SLC14A2: variants seen among roughly 807,000 people sequenced by gnomAD.
SLC14A2 encodes solute carrier family 14 member 2, also known as urea transporter 2.
A neutral mutation model predicts 104.6 loss-of-function variants in SLC14A2; 91 were observed. The ratio of observed to expected loss-of-function variants is 0.87; its 90% confidence interval spans 0.73 to 1.04. SLC14A2 has a LOEUF of 1.04. Among genes scored for constraint, SLC14A2 ranks in the 50% least tolerant of loss-of-function variants. SLC14A2 has a pLI of 0.00. For missense variants in SLC14A2, 1,189 were observed against 1,156.0 expected (o/e 1.03, Z -0.41); for synonymous variants, 476 against 466.4 (o/e 1.02, Z -0.27).
At chr18:45,645,632 A>ATATATATATATATATACATAT in intron 10 of SLC14A2, among the ~76,000 whole-genome samples, 1 of 7,096 alleles carries the variant, frequency 1.4e-4, no homozygotes, top group South Asian at 5.4e-3. Context: ...TACATATACA[A>ATATATATATATATATACATAT]AGATATATAT....
chr18:45,295,222 G>A (rs925912804), intron 1 of SLC14A2, among the ~76,000 whole-genome samples: 3 of 152,074 alleles, frequency 2.0e-5, no homozygotes, highest in African/African-American at 7.2e-5. Flanking sequence ...ACCAATGATG[G>A]GTTATTTTCT....
rs532373366 is a variant in SLC14A2, at chr18:45,512,122, G to T, written c.-35+28800G>T. On this transcript the variant is annotated intron_variant, in intron 2 of 20. Coordinates refer to the SLC14A2 transcript ENST00000586448. ...GCTATATGGGTAAACCAAGGCAGGA[G>T]CCCAGATGCATGTACAGGAGCACAT... Among the ~76,000 whole-genome samples the T allele has an allele frequency of 5.8e-4, 89 of 152,302 alleles. 1 individual carries two copies. Among genetic ancestry groups the T allele is most frequent in the African/African-American group, 1.9e-3 (81 of 41,544 alleles).
intron 2 of SLC14A2, among the ~76,000 whole-genome samples, chr18:45,602,608 C>A: frequency 6.6e-6 from 1 of 152,208 alleles, no homozygotes; most frequent in East Asian, 1.9e-4. Context: ...TGAAACATGA[C>A]TGTGATGGGG....
chr18:45,306,759 A>G (rs2085025780), intron 1 of SLC14A2, among the ~76,000 whole-genome samples: 1 of 152,104 alleles, frequency 6.6e-6, no homozygotes, highest in Admixed American at 6.5e-5. Flanking sequence ...TATCTCGGGA[A>G]CCCGCTTCTT....
intron 2 of SLC14A2, among the ~76,000 whole-genome samples, chr18:45,509,896 C>A (rs1170856634): frequency 6.6e-6 from 1 of 152,174 alleles, no homozygotes; most frequent in African/African-American, 2.4e-5. Context: ...ATTGCTGGTT[C>A]CATGTTAGAA....
At chr18:45,344,744 G>GA (rs2085430894) in intron 1 of SLC14A2, among the ~76,000 whole-genome samples, 1 of 152,170 alleles carries the variant, frequency 6.6e-6, no homozygotes, top group Admixed American at 6.5e-5. Context: ...CTAGTAATAG[G>GA]AAAGTGGTGT....
chr18:45,175,573 T>C, the SLC14A2 span, among the ~76,000 whole-genome samples: 1 of 152,080 alleles, frequency 6.6e-6, no homozygotes, highest in Non-Finnish European at 1.5e-5. Context: ...TCATGTTCCA[T>C]GGAAAATAGG....
intron 1 of SLC14A2, among the ~76,000 whole-genome samples, chr18:45,406,735 T>A (rs2086159124): frequency 6.6e-6 from 1 of 152,242 alleles, no homozygotes; most frequent in South Asian, 2.1e-4. Flanking sequence ...ATTGTTGGCA[T>A]GGAAACAATA....
chr18:45,341,595 CTTTTTTTTTTTT>C (rs376534367), intron 1 of SLC14A2, among the ~76,000 whole-genome samples: 2 of 83,162 alleles, frequency 2.4e-5, no homozygotes, highest in Non-Finnish European at 2.3e-5. Flanking sequence ...TCTAGTATTA[CTTTTTTTTTTTT>C]TTTTTTTTTT....
At chr18:45,517,688 G>A (rs1167367304) in intron 2 of SLC14A2, among the ~76,000 whole-genome samples, 3 of 152,134 alleles carry the variant, frequency 2.0e-5, no homozygotes, top group Non-Finnish European at 4.4e-5. Flanking sequence ...GTAAATCTTG[G>A]AACTCGAGGA....
intron 1 of SLC14A2, among the ~76,000 whole-genome samples, chr18:45,213,467 T>G (rs534415527): frequency 6.6e-6 from 1 of 152,348 alleles, no homozygotes; most frequent in Non-Finnish European, 1.5e-5. Flanking sequence ...TATACCTAGA[T>G]TAACCCATGG....
At chr18:45,519,110 G>A (rs144796261) in intron 2 of SLC14A2, among the ~76,000 whole-genome samples, 5 of 152,104 alleles carry the variant, frequency 3.3e-5, no homozygotes, top group Non-Finnish European at 5.9e-5. Flanking sequence ...ATACCAGGAG[G>A]AATAATCATT....
intron 2 of SLC14A2, among the ~76,000 whole-genome samples, chr18:45,558,550 C>T (rs979972760): frequency 1.3e-5 from 2 of 152,138 alleles, no homozygotes; most frequent in Non-Finnish European, 2.9e-5. Context: ...ACCACAAAAG[C>T]AGCATCACCA....
intron 1 of SLC14A2, among the ~76,000 whole-genome samples, chr18:45,480,021 G>A (rs963599710): frequency 2.0e-5 from 3 of 152,184 alleles, no homozygotes; most frequent in Non-Finnish European, 4.4e-5. Flanking sequence ...AGTAAGTAGG[G>A]CTAGCAGAGT....
rs1045309603 is a variant in SLC14A2 at position 45,575,510 on chromosome 18, G to A, written c.-34-49121G>A. Among the ~76,000 whole-genome samples the A allele has an allele frequency of 3.9e-5, 6 of 151,958 alleles. No homozygotes were observed. In the East Asian group the frequency reaches 5.8e-4, roughly 15 times the overall value. ...TCCCCTTCACACACACTAGGCACCCGCAGATCTAGGGCTTCAGAAGCTCGT... is the reference window on the plus strand; with the variant it reads ...TCCCCTTCACACACACTAGGCACCCACAGATCTAGGGCTTCAGAAGCTCGT... On this transcript the variant is annotated intron_variant, in intron 2 of 20. Coordinates refer to the SLC14A2 transcript ENST00000586448.
rs754254535 is a variant in SLC14A2, at chr18:45,625,735, A to G, written c.203A>G (p.Asn68Ser). The stretch of plus-strand genomic sequence containing the variant: ...CACATTGTGAAGATCGAAAAGCTCA[A>G]TGAAAGGAGTAAAAGGAAAGACGAC... ...DSHIVKIEKL[N>S]ERSKRKDDGV... The change falls in exon 3 of 20, where the codon AAT becomes AGT. Residue 68 changes from asparagine (N) to serine (S), a missense_variant. Physicochemically the swap from Asn to Ser is conservative, Grantham distance 46. Coordinates refer to ENST00000255226, the MANE Select transcript of SLC14A2 (RefSeq NM_007163.4). 1.3e-6 allele frequency: 2 copies of G among 1,566,046 alleles called. No homozygotes were observed. The highest frequency in any genetic ancestry group is 2.4e-5 in the South Asian group (2 of 81,904).
intron 10 of SLC14A2, among the ~76,000 whole-genome samples, chr18:45,662,967 G>A (rs2045957364): frequency 6.6e-6 from 1 of 152,150 alleles, no homozygotes; most frequent in Non-Finnish European, 1.5e-5. Flanking sequence ...TCCACACATT[G>A]AGAGACCCTA....
At chr18:45,337,300 G>GTAGA (rs2085347053) in intron 1 of SLC14A2, among the ~76,000 whole-genome samples, 1 of 152,182 alleles carries the variant, frequency 6.6e-6, no homozygotes, top group East Asian at 1.9e-4. Flanking sequence ...GTTATGGTTT[G>GTAGA]TAGATACTGG....
chr18:45,639,714 C>G (rs904752413), intron 6 of SLC14A2, 32 bp from the exon 7 acceptor site: 2 of 1,608,362 alleles, frequency 1.2e-6, no homozygotes, highest in African/African-American at 1.3e-5. Flanking sequence ...ATTGTCCATG[C>G]TCCAGTGACC....
Sources: gnomAD v4.1 joint callset for allele counts (sites outside exome capture counted in the v4.1 genomes callset) on GRCh38, gnomAD v4.1.1 for gene constraint, MANE v1.5 for transcripts, NCBI Gene and HGNC (gene_info 2026-07-23, HGNC 2026-07-21) for gene names.